Variants in RIF1 observed in about 807,000 individuals in gnomAD.
RIF1 encodes replication timing regulatory factor 1.
A neutral mutation model predicts 247.1 loss-of-function variants in RIF1; 45 were observed. That is an observed-to-expected ratio of 0.18 (90% CI 0.14 to 0.23). RIF1 has a LOEUF of 0.23. Ranked by LOEUF, RIF1 falls within the 10% of genes least tolerant of loss-of-function variation. The pLI is 1.00. For missense variants in RIF1, 2,967 were observed against 2,862.5 expected, an observed-to-expected ratio of 1.04 and a Z score of -0.83; for synonymous variants, 1,087 against 978.8, an observed-to-expected ratio of 1.11 and a Z score of -2.06.
intron 9 of RIF1, among the ~76,000 whole-genome samples, chr2:151,487,506 A>G (rs2051838173): frequency 6.6e-6 from 1 of 152,206 alleles, no homozygotes; most frequent in Admixed American, 6.5e-5. Flanking sequence ...CATTTAATAT[A>G]GCTTGGAAGT....
the RIF1 span, chr2:151,534,426 C>T: frequency 1.4e-5 from 13 of 902,044 alleles, no homozygotes; most frequent in Middle Eastern, 2.2e-4. Flanking sequence ...TCTCTAGTGG[C>T]GGGCTCCCAA....
At position 151,428,853 on chromosome 2, in the gene RIF1, G is replaced by C; in HGVS notation, c.856G>C (p.Ala286Pro). The C allele has an allele frequency of 6.4e-7, 1 of 1,557,640 alleles. No individual in the cohort carries two copies. Among genetic ancestry groups the C allele is most frequent in the Non-Finnish European group, 8.9e-7 (1 of 1,128,844 alleles). ...QLEELGFRSG[A>P]PMIKKIAFIA... The stretch of plus-strand genomic sequence containing the variant: ...AGAAGAACTTGGATTTCGTAGTGGA[G>C]CACCCATGATTAAAAAGATAGCTTT... The change falls in exon 9 of 36, where the codon GCA (alanine) becomes CCA (proline). Residue 286 changes from alanine (A) to proline (P), a missense_variant. By Grantham distance (27) the Ala-to-Pro change is conservative (BLOSUM62 -1). Coordinates refer to ENST00000444746, the MANE Select transcript of RIF1 (RefSeq NM_018151.5).
downstream of RIF1, among the ~76,000 whole-genome samples, chr2:151,511,840 C>G (rs2074638714): frequency 6.6e-6 from 1 of 152,090 alleles, no homozygotes. Context: ...GATTGGTAAT[C>G]CAAATGTGGG....
At chr2:151,493,067 G>GAACTACCTCAAAGTATA (rs2057820993) in intron 9 of RIF1, 1 of 324,948 alleles carries the variant, frequency 3.1e-6, no homozygotes, top group African/African-American at 2.2e-5. Context: ...TGGTTACGTA[G>GAACTACCTCAAAGTATA]AACTACCTCA....
At chr2:151,516,932 C>T in the RIF1 span, among the ~76,000 whole-genome samples, 1 of 152,166 alleles carries the variant, frequency 6.6e-6, no homozygotes, top group Non-Finnish European at 1.5e-5. Context: ...ATTATTAATG[C>T]TATTAGCATT....
chr2:151,456,095 A>G (rs1402837382), intron 22 of RIF1, among the ~76,000 whole-genome samples: 3 of 152,226 alleles, frequency 2.0e-5, no homozygotes, highest in Non-Finnish European at 2.9e-5. Flanking sequence ...CTGAAAGAAA[A>G]AAAAAGCCTC....
intron 10 of RIF1, among the ~76,000 whole-genome samples, chr2:151,495,654 A>G (rs1282265471): frequency 6.6e-6 from 1 of 152,066 alleles, no homozygotes; most frequent in Non-Finnish European, 1.5e-5. Context: ...TAAAGACTAC[A>G]GTAAAACTAA....
rs367921141 is a variant in RIF1 at position 151,505,497 on chromosome 2, G to A, written c.*862-713G>A. On this transcript the variant is annotated intron_variant and NMD_transcript_variant, in intron 12 of 13. Coordinates refer to the RIF1 transcript ENST00000454583. ...CACTACCGAGCTAATGTGCTTCTGC[G>A]TCTCCTTCACACGTTTCACTTCAGG... 32 of 1,613,580 alleles carry A rather than the reference G, an allele frequency of 2.0e-5. No individual in the cohort carries two copies. Among genetic ancestry groups the A allele is most frequent in the South Asian group, 3.3e-5 (3 of 91,066 alleles).
chr2:151,492,735 G>A (rs1427013103), intron 9 of RIF1: 1 of 316,340 alleles, frequency 3.2e-6, no homozygotes, highest in Admixed American at 4.7e-5. Flanking sequence ...AAGGGGCACG[G>A]TATAATTTTG....
chr2:151,511,632 T>G (rs937032051), downstream of RIF1, among the ~76,000 whole-genome samples: 1 of 152,222 alleles, frequency 6.6e-6, no homozygotes, highest in Admixed American at 6.5e-5. Flanking sequence ...GCACAAATTC[T>G]AATCTGGCAC....
At chr2:151,424,825 ATTTTTTTTTTT>A (rs71000475) in intron 8 of RIF1, among the ~76,000 whole-genome samples, 1,164 of 47,346 alleles carry the variant, frequency 0.025, 13 homozygotes, top group African/African-American at 0.03. Flanking sequence ...AGCCCGGCTG[ATTTTTTTTTTT>A]TTTTTTTTTT....
chr2:151,469,923 C>T, intron 34 of RIF1, 59 bp downstream of exon 34: 2 of 1,294,538 alleles, frequency 1.5e-6, no homozygotes, highest in East Asian at 2.5e-5. Flanking sequence ...AGTACAGTTA[C>T]AGAAGTTTGT....
intron 9 of RIF1, chr2:151,492,076 C>T: frequency 6.2e-7 from 1 of 1,611,906 alleles, no homozygotes; most frequent in South Asian, 1.1e-5. Flanking sequence ...TTAATCCCCT[C>T]CCCCAACCCA....
chr2:151,419,317 T>A (rs1363642416), intron 6 of RIF1, among the ~76,000 whole-genome samples: 1 of 152,068 alleles, frequency 6.6e-6, no homozygotes, highest in African/African-American at 2.4e-5. Flanking sequence ...AGTCATTTAT[T>A]TTTTGTTTTT....
intron 14 of RIF1, 24 bp downstream of exon 14, chr2:151,438,770 A>G: frequency 3.9e-6 from 6 of 1,530,190 alleles, no homozygotes; most frequent in Non-Finnish European, 5.4e-6. Context: ...CACTGATCAA[A>G]TGTTGTTTTT....
At chr2:151,420,448 C>G in intron 7 of RIF1, 69 bp downstream of exon 7, 2 of 1,473,390 alleles carry the variant, frequency 1.4e-6, no homozygotes, top group Non-Finnish European at 1.9e-6. Flanking sequence ...GCTTAAAATT[C>G]AGTCTGGTGG....
At position 151,465,899 on chromosome 2, in the gene RIF1, C is replaced by G. The variant is rs1382659794; in HGVS notation, c.6379C>G (p.Leu2127Val). ...GAAAGTGGAGGAACCATCACAGTGT[C>G]TGGCATCTGGAACAGCTATCTCTGA... ...SQKVEEPSQC[L>V]ASGTAISELI... The change falls in exon 30 of 36, where the codon CTG (leucine) becomes GTG (valine). Residue 2127 changes from leucine to valine, a missense_variant. Around this residue, in one of 7 missense-constraint regions of RIF1, gnomAD observed 2,028 missense variants for 1,825.6 expected, o/e 1.11. Transcript: ENST00000444746. 2 of 1,614,048 alleles carry G rather than the reference C, an allele frequency of 1.2e-6. No individual in the cohort carries two copies. Among genetic ancestry groups the G allele is most frequent in the Non-Finnish European group, 8.5e-7 (1 of 1,179,892 alleles).
At chr2:151,436,781 T>A in intron 11 of RIF1, 46 bp from the exon 12 acceptor site, 1 of 1,408,950 alleles carries the variant, frequency 7.1e-7, no homozygotes, top group Non-Finnish European at 9.5e-7. Flanking sequence ...GTAGCTAATA[T>A]AAAATGAGCT....
chr2:151,497,020 T>G, intron 10 of RIF1: 1 of 1,571,000 alleles, frequency 6.4e-7, no homozygotes, highest in East Asian at 2.3e-5. Flanking sequence ...GCCCATGTTT[T>G]CTTTGTATAA....
Sources: allele counts gnomAD v4.1 joint callset (sites outside exome capture counted in the v4.1 genomes callset), GRCh38; gene constraint gnomAD v4.1.1; regional missense constraint gnomAD v4.1.1; transcripts MANE v1.5; gene names NCBI Gene and HGNC (gene_info 2026-07-23, HGNC 2026-07-21).